Variants in BBS9 observed in about 807,000 individuals in gnomAD.
BBS9 encodes protein PTHB1.
In BBS9, 89 loss-of-function variants were observed where a neutral mutation model predicts 117.7. That is an observed-to-expected ratio of 0.76 (90% CI 0.64 to 0.90). The LOEUF (loss-of-function observed/expected upper bound fraction) is 0.90. Among genes scored for constraint, BBS9 ranks in the 40% least tolerant of loss-of-function variants. The pLI, the probability that BBS9 is intolerant of heterozygous loss-of-function variation, is 0.00. For missense variants in BBS9, 982 were observed against 1,042.2 expected (o/e 0.94, Z 0.80); for synonymous variants, 379 against 370.9 (o/e 1.02, Z -0.25).
At chr7:33,371,665 A>C (rs116906501) in intron 17 of BBS9, among the ~76,000 whole-genome samples, 402 of 152,192 alleles carry the variant, frequency 2.6e-3, no homozygotes, top group Non-Finnish European at 4.4e-3. Context: ...TCGTATGTAC[A>C]CCTAGGGAGA....
chr7:33,429,719 A>G (rs1834161572), intron 19 of BBS9, among the ~76,000 whole-genome samples: 2 of 152,166 alleles, frequency 1.3e-5, no homozygotes, highest in African/African-American at 4.8e-5. Flanking sequence ...TAAAAGGTAG[A>G]TGGTTGACTA....
At chr7:33,460,909 C>T (rs1418362258) in intron 19 of BBS9, among the ~76,000 whole-genome samples, 1 of 151,932 alleles carries the variant, frequency 6.6e-6, no homozygotes, top group Non-Finnish European at 1.5e-5. Context: ...TTCCCTAGAC[C>T]CTGGCAACTA....
In BBS9 at chr7:33,396,513, T is replaced by A. The variant is rs188400369; in HGVS notation, c.2115+8369T>A. Among the ~76,000 whole-genome samples, 5 of 152,268 alleles carry A rather than the reference T, an allele frequency of 3.3e-5. No homozygotes were observed. In the East Asian group the frequency reaches 5.8e-4, roughly 18 times the overall value. On this transcript the variant is annotated intron_variant, in intron 19 of 22. Transcript: ENST00000242067. ...TGACTTTACATTTTTATGCAATTTT[T>A]AAAAATATTATAATTTGTTGAATGC...
intron 9 of BBS9, among the ~76,000 whole-genome samples, chr7:33,318,301 A>T (rs1810961079): frequency 6.6e-6 from 1 of 152,082 alleles, no homozygotes; most frequent in Non-Finnish European, 1.5e-5. Flanking sequence ...TGTTTCATGT[A>T]TTTGCTTCTT....
At chr7:33,505,681 C>T in intron 20 of BBS9, 36 bp downstream of exon 20, 1 of 1,606,796 alleles carries the variant, frequency 6.2e-7, no homozygotes, top group South Asian at 1.1e-5. Context: ...GAACAGCCAG[C>T]ATTATTGAAG....
chr7:33,317,669 G>A (rs1810810199), intron 9 of BBS9, among the ~76,000 whole-genome samples: 1 of 152,118 alleles, frequency 6.6e-6, no homozygotes, highest in South Asian at 2.1e-4. Context: ...GATTTACTGT[G>A]TTAACTCTAT....
At chr7:33,232,639 GTTGT>G (rs1792703026) in intron 5 of BBS9, among the ~76,000 whole-genome samples, 1 of 152,042 alleles carries the variant, frequency 6.6e-6, no homozygotes, top group Non-Finnish European at 1.5e-5. Flanking sequence ...GATAAAAAGG[GTTGT>G]TTATGAATGA....
chr7:33,578,958 C>G lies in BBS9; in HGVS notation c.2522-25907C>G, dbSNP rs192353402. Among the ~76,000 whole-genome samples, 3 of 152,250 alleles carry G rather than the reference C, an allele frequency of 2.0e-5. No homozygotes were observed. The East Asian group carries it at 5.8e-4, about 29-fold the overall frequency. On this transcript the variant is annotated intron_variant, in intron 21 of 22. Coordinates refer to ENST00000242067, the MANE Select transcript of BBS9 (RefSeq NM_198428.3). The stretch of plus-strand genomic sequence containing the variant: ...GAAATATGCATTAAAAGTACCAGAA[C>G]ATGAAAATCCTGTGTTCAAAGAAGC...
intron 16 of BBS9, 131 bp downstream of exon 16, chr7:33,358,126 G>GC: frequency 8.4e-7 from 1 of 1,185,650 alleles, no homozygotes; most frequent in Non-Finnish European, 1.2e-6. Context: ...ATGCCTCAAG[G>GC]ATTTTTCCCT....
At chr7:33,629,160 C>T (rs755743582) in intron 21 of BBS9, among the ~76,000 whole-genome samples, 5 of 152,176 alleles carry the variant, frequency 3.3e-5, no homozygotes, top group East Asian at 1.9e-4. Context: ...GCAAAGTAAA[C>T]GCTGACCTCT....
intron 5 of BBS9, among the ~76,000 whole-genome samples, chr7:33,235,010 CA>C (rs1287838130): frequency 6.6e-6 from 1 of 151,830 alleles, no homozygotes; most frequent in African/African-American, 2.4e-5. Flanking sequence ...TAATATGTGA[CA>C]AGTATATTTT....
intron 19 of BBS9, among the ~76,000 whole-genome samples, chr7:33,453,815 T>A (rs183583370): frequency 6.6e-6 from 1 of 152,314 alleles, no homozygotes; most frequent in African/African-American, 2.4e-5. Context: ...CCACCTTATG[T>A]CTTTCTTAAC....
At chr7:33,351,726 G>A (rs1404728860) in intron 14 of BBS9, among the ~76,000 whole-genome samples, 1 of 152,082 alleles carries the variant, frequency 6.6e-6, no homozygotes, top group Non-Finnish European at 1.5e-5. Context: ...GAGTGAGGAG[G>A]GTGGAATTTT....
chr7:33,341,893 C>T (rs1816643178), intron 11 of BBS9, among the ~76,000 whole-genome samples: 1 of 152,044 alleles, frequency 6.6e-6, no homozygotes, highest in Non-Finnish European at 1.5e-5. Flanking sequence ...TCACTGACTG[C>T]AGTTTATCTG....
intron 19 of BBS9, among the ~76,000 whole-genome samples, chr7:33,458,850 G>C (rs1258785195): frequency 6.6e-6 from 1 of 152,148 alleles, no homozygotes; most frequent in Non-Finnish European, 1.5e-5. Context: ...TAGCAGAAAA[G>C]ATGGGATTCC....
intron 21 of BBS9, among the ~76,000 whole-genome samples, chr7:33,546,971 A>T (rs1401811806): frequency 6.6e-6 from 1 of 152,172 alleles, no homozygotes; most frequent in Non-Finnish European, 1.5e-5. Flanking sequence ...TTTGTGCCGC[A>T]CATGCAGACA....
rs375606348 is a variant in BBS9 at position 33,534,103 on chromosome 7, C to T, written c.2448C>T (p.Cys816=). The T allele has an allele frequency of 6.8e-6, 11 of 1,614,138 alleles. No homozygotes were observed. The highest frequency in any genetic ancestry group is 3.3e-5 in the Admixed American group (2 of 60,020). ...SQLKKHITLL[C]DRLSKGGRLC... ...TGAAGAAACATATCACCTTGCTCTGCGATAGATTATCCAAAGGTGGCCGTC... is the reference window on the plus strand; with the variant it reads ...TGAAGAAACATATCACCTTGCTCTGTGATAGATTATCCAAAGGTGGCCGTC... The change falls in exon 21 of 23, where the codon TGC becomes TGT. Residue 816 remains cysteine (C), a synonymous_variant. Transcript: ENST00000242067.
intron 5 of BBS9, among the ~76,000 whole-genome samples, chr7:33,248,891 A>G (rs1398246906): frequency 6.6e-6 from 1 of 152,106 alleles, no homozygotes; most frequent in Admixed American, 6.6e-5. Flanking sequence ...AGACTTGGAG[A>G]AAGACCAAAT....
intron 21 of BBS9, among the ~76,000 whole-genome samples, chr7:33,581,222 G>A (rs1859854155): frequency 6.6e-6 from 1 of 152,118 alleles, no homozygotes; most frequent in South Asian, 2.1e-4. Context: ...CTATAAAATA[G>A]GACACTTGTT....
Sources: gnomAD v4.1 joint callset for allele counts (sites outside exome capture counted in the v4.1 genomes callset) on GRCh38, gnomAD v4.1.1 for gene constraint, MANE v1.5 for transcripts, NCBI Gene and HGNC (gene_info 2026-07-23, HGNC 2026-07-21) for gene names.